PCDHA10: variants seen among roughly 807,000 people sequenced by gnomAD.
PCDHA10 encodes the protein protocadherin alpha-10.
Under a neutral mutation model 61.2 loss-of-function variants are expected in PCDHA10, and 45 were observed. That is an observed-to-expected ratio of 0.74 (90% CI 0.58 to 0.94). PCDHA10 has a LOEUF of 0.94. PCDHA10 is among the 40% of genes least tolerant of loss of function. PCDHA10 has a pLI of 0.00. For synonymous variants in PCDHA10, 602 were observed against 548.8 expected, an observed-to-expected ratio of 1.10 and a Z score of -1.35; for missense variants, 1,278 against 1,236.2, an observed-to-expected ratio of 1.03 and a Z score of -0.51.
intron 1 of PCDHA10, among the ~76,000 whole-genome samples, chr5:140,906,752 G>A (rs1328101001): frequency 6.6e-6 from 1 of 152,152 alleles, no homozygotes; most frequent in Non-Finnish European, 1.5e-5. Context: ...ACAGGGCATG[G>A]TAATACTAAG....
At chr5:140,898,677 T>C (rs1197350501) in intron 1 of PCDHA10, among the ~76,000 whole-genome samples, 2 of 152,222 alleles carry the variant, frequency 1.3e-5, no homozygotes, top group Non-Finnish European at 2.9e-5. Flanking sequence ...TTGCGGGCTG[T>C]TTTTTGGTTC....
At chr5:140,864,528 T>C (rs2048505938) in intron 1 of PCDHA10, 1 of 152,240 alleles carries the variant, frequency 6.6e-6, no homozygotes, top group Non-Finnish European at 1.5e-5. Context: ...TACTTCTTAA[T>C]TTTTGTCTTC....
At chr5:140,900,192 A>G (rs1280412667) in intron 1 of PCDHA10, among the ~76,000 whole-genome samples, 2 of 152,186 alleles carry the variant, frequency 1.3e-5, no homozygotes, top group African/African-American at 2.4e-5. Flanking sequence ...ACTTATAATG[A>G]CATCCAGTTT....
intron 1 of PCDHA10, among the ~76,000 whole-genome samples, chr5:140,888,278 C>G (rs1204327118): frequency 2.0e-5 from 3 of 151,932 alleles, no homozygotes; most frequent in African/African-American, 7.3e-5. Flanking sequence ...CAGTTTTGTC[C>G]CCTCTACCCC....
intron 1 of PCDHA10, chr5:140,863,164 G>C (rs781940637): frequency 1.7e-5 from 11 of 661,132 alleles, no homozygotes; most frequent in Non-Finnish European, 3.0e-5. Context: ...CTGCGAGCTG[G>C]CGCTGACTGC....
intron 1 of PCDHA10, chr5:140,877,683 C>T: frequency 6.2e-7 from 1 of 1,613,716 alleles, no homozygotes. Flanking sequence ...CGGGCAAGCC[C>T]ACGCTGGTGT....
At chr5:140,905,878 C>T (rs1187937436) in intron 1 of PCDHA10, among the ~76,000 whole-genome samples, 2 of 152,054 alleles carry the variant, frequency 1.3e-5, no homozygotes, top group African/African-American at 2.4e-5. Flanking sequence ...CAAGGCCCAA[C>T]AATAGGCCAT....
chr5:140,924,647 C>G (rs1396293249), intron 1 of PCDHA10, among the ~76,000 whole-genome samples: 1 of 152,132 alleles, frequency 6.6e-6, no homozygotes, highest in East Asian at 1.9e-4. Context: ...GTAATCCCAG[C>G]ACTTTGGGAG....
intron 1 of PCDHA10, among the ~76,000 whole-genome samples, chr5:140,937,818 A>T (rs190175998): frequency 0.029 from 4,407 of 151,960 alleles, 79 homozygotes; most frequent in Admixed American, 0.046. Context: ...AAGCTGAGGC[A>T]GGAGAATGGC....
At chr5:140,897,803 C>G (rs1285512803) in intron 1 of PCDHA10, among the ~76,000 whole-genome samples, 1 of 152,130 alleles carries the variant, frequency 6.6e-6, no homozygotes, top group Non-Finnish European at 1.5e-5. Context: ...AGAGTCCCAC[C>G]AACAGTGTAA....
intron 1 of PCDHA10, among the ~76,000 whole-genome samples, chr5:140,930,807 A>G (rs2087132034): frequency 6.6e-6 from 1 of 152,206 alleles, no homozygotes; most frequent in Non-Finnish European, 1.5e-5. Flanking sequence ...AGCATATAAG[A>G]TATGCTTAGT....
intron 1 of PCDHA10, chr5:140,862,985 G>A: frequency 1.8e-6 from 1 of 547,112 alleles, no homozygotes; most frequent in Non-Finnish European, 3.6e-6. Flanking sequence ...GGTGGCGAAG[G>A]TGCGCACGGT....
intron 1 of PCDHA10, among the ~76,000 whole-genome samples, chr5:140,973,856 C>G (rs1349378315): frequency 6.6e-6 from 1 of 152,166 alleles, no homozygotes; most frequent in Non-Finnish European, 1.5e-5. Context: ...CCAATTTTTG[C>G]TCTCAATGAG....
intron 1 of PCDHA10, chr5:140,870,884 G>A (rs376620715): frequency 6.5e-5 from 105 of 1,613,948 alleles, no homozygotes; most frequent in Admixed American, 3.3e-4. Context: ...GCGAAGGTGC[G>A]CGCAGTGGAT....
intron 1 of PCDHA10, chr5:140,968,472 T>C (rs1554230782): frequency 6.2e-7 from 1 of 1,614,130 alleles, no homozygotes; most frequent in Non-Finnish European, 8.5e-7. Context: ...AACGTATATG[T>C]GGTGGACATG....
At position 140,894,082 on chromosome 5, in the gene PCDHA10, A is replaced by C. The variant is rs2064311424; in HGVS notation, c.2388+35646A>C. On this transcript the variant is annotated intron_variant, in intron 1 of 3. Transcript: ENST00000307360. ...TTTTTAAATACATTTATTTTATTCC[A>C]GTATCTTCTAGCTCCTGGTGTTGCA... 3.3e-5 allele frequency among the ~76,000 whole-genome samples: 5 copies of C among 152,174 alleles called. No homozygotes were observed. In the South Asian group the frequency reaches 8.3e-4, roughly 25 times the overall value.
At chr5:140,928,856 T>G (rs540865490) in intron 1 of PCDHA10, 1 of 1,614,218 alleles carries the variant, frequency 6.2e-7, no homozygotes, top group African/African-American at 1.3e-5. Context: ...CTGGGTGTGC[T>G]GTTGAGCAAC....
chr5:140,978,978 C>T lies in PCDHA10; in HGVS notation c.2418C>T (p.Tyr806=). Residue 806 remains tyrosine (Y), a synonymous_variant, in exon 2 of 4, where the codon TAC becomes TAT. Coordinates refer to ENST00000307360, the MANE Select transcript of PCDHA10 (RefSeq NM_018901.4). ...KPRQPNPDWR[Y]SASLRAGMHS... ...GACAGCCCAACCCTGACTGGCGTTA[C>T]TCTGCCTCCCTGAGAGCAGGCATGC... 1 of 1,614,204 alleles carries T rather than the reference C, an allele frequency of 6.2e-7. No homozygotes were observed. The highest frequency in any genetic ancestry group is 8.5e-7 in the Non-Finnish European group (1 of 1,180,030).
At chr5:140,960,267 C>T (rs1182915204) in intron 1 of PCDHA10, among the ~76,000 whole-genome samples, 3 of 152,266 alleles carry the variant, frequency 2.0e-5, no homozygotes, top group South Asian at 2.1e-4. Flanking sequence ...CTGATAAATT[C>T]CGTCACCTTT....
Sources: gnomAD v4.1 joint callset for allele counts (sites outside exome capture counted in the v4.1 genomes callset) on GRCh38, gnomAD v4.1.1 for gene constraint, MANE v1.5 for transcripts, NCBI Gene and HGNC (gene_info 2026-07-23, HGNC 2026-07-21) for gene names.